Variants in DNAAF11 observed in about 807,000 individuals in gnomAD.
The protein encoded by DNAAF11 is leucine rich repeat containing 6.
Under a neutral mutation model 60.8 loss-of-function variants are expected in DNAAF11, and 45 were observed. The observed-to-expected ratio is 0.74, with a 90% confidence interval of 0.58 to 0.95. The LOEUF (loss-of-function observed/expected upper bound fraction) is 0.95. Among genes scored for constraint, DNAAF11 ranks in the 40% least tolerant of loss-of-function variants. DNAAF11 has a pLI of 0.00. For missense variants in DNAAF11, 546 were observed against 546.2 expected (o/e 1.00, Z 0.00); for synonymous variants, 191 against 183.5 (o/e 1.04, Z -0.33).
intron 7 of DNAAF11, among the ~76,000 whole-genome samples, chr8:132,618,420 T>A (rs1819405117): frequency 2.0e-5 from 2 of 100,012 alleles, no homozygotes; most frequent in African/African-American, 8.3e-5. Context: ...CCAAAAGCAA[T>A]GGCAACAAAA....
chr8:132,574,270 G>A (rs1814511115), intron 11 of DNAAF11, among the ~76,000 whole-genome samples: 1 of 152,224 alleles, frequency 6.6e-6, no homozygotes, highest in Non-Finnish European at 1.5e-5. Context: ...ATCTTTAGAA[G>A]GTAGGCCTGC....
At chr8:132,658,070 G>A (rs1054621370) in intron 2 of DNAAF11, among the ~76,000 whole-genome samples, 21 of 152,118 alleles carry the variant, frequency 1.4e-4, no homozygotes, top group Non-Finnish European at 2.4e-4. Context: ...CAAAGATGGT[G>A]ATTTATAATC....
At chr8:132,661,119 G>A (rs1274330578) in intron 2 of DNAAF11, among the ~76,000 whole-genome samples, 2 of 151,824 alleles carry the variant, frequency 1.3e-5, no homozygotes, top group Admixed American at 6.6e-5. Context: ...ATATAAATTT[G>A]TTTTGCAGTG....
In DNAAF11 at chr8:132,607,816, C is replaced by T. The variant is rs116479740; in HGVS notation, c.1140+2350G>A. On this transcript the variant is annotated intron_variant, in intron 10 of 11. Coordinates refer to ENST00000620350, the MANE Select transcript of DNAAF11 (RefSeq NM_012472.6). Reference sequence around the variant, plus strand: ...CTAAATGATATTTTATCATATTAAACGGTCACACACACACACATATATCAC... The same window carrying T: ...CTAAATGATATTTTATCATATTAAATGGTCACACACACACACATATATCAC... Among the ~76,000 whole-genome samples, 117 of 152,164 alleles carry T rather than the reference C, an allele frequency of 7.7e-4. 2 individuals carry two copies. The highest frequency in any genetic ancestry group is 2.1e-3 in the African/African-American group (87 of 41,534).
At chr8:132,688,663 T>C in the DNAAF11 span, among the ~76,000 whole-genome samples, 1 of 152,174 alleles carries the variant, frequency 6.6e-6, no homozygotes, top group Non-Finnish European at 1.5e-5. Context: ...TAGAGAAGCC[T>C]GCATGAGAAT....
chr8:132,596,800 C>T (rs1021396463), intron 10 of DNAAF11, among the ~76,000 whole-genome samples: 3 of 152,148 alleles, frequency 2.0e-5, no homozygotes, highest in Non-Finnish European at 4.4e-5. Context: ...TCTCCTGTTG[C>T]CCCCTGTAAG....
intron 10 of DNAAF11, among the ~76,000 whole-genome samples, chr8:132,601,707 G>A (rs1817640128): frequency 6.6e-6 from 1 of 152,050 alleles, no homozygotes; most frequent in African/African-American, 2.4e-5. Context: ...TCACTCATAG[G>A]TGGGAATTGA....
the DNAAF11 span, among the ~76,000 whole-genome samples, chr8:132,696,692 T>C: frequency 6.6e-5 from 10 of 152,188 alleles, no homozygotes; most frequent in Non-Finnish European, 1.3e-4. Context: ...ATATACACCA[T>C]GGAATACTAT....
At chr8:132,632,601 C>G in intron 5 of DNAAF11, 139 bp downstream of exon 5, 1 of 656,852 alleles carries the variant, frequency 1.5e-6, no homozygotes, top group Non-Finnish European at 2.7e-6. Context: ...TGCTCATATT[C>G]TTCCATCCAA....
At chr8:132,627,521 A>C (rs2130366459) in intron 5 of DNAAF11, among the ~76,000 whole-genome samples, 1 of 152,354 alleles carries the variant, frequency 6.6e-6, no homozygotes, top group Middle Eastern at 3.4e-3. Context: ...TTTTAAGAGC[A>C]GCATGATCTC....
At position 132,578,199 on chromosome 8, in the gene DNAAF11, T is replaced by C. The variant is rs1370109409; in HGVS notation, c.1226+5495A>G. Among the ~76,000 whole-genome samples the C allele has an allele frequency of 3.3e-5, 5 of 152,252 alleles. No homozygotes were observed. In the East Asian group the frequency reaches 9.7e-4, roughly 29 times the overall value. On this transcript the variant is annotated intron_variant, in intron 11 of 11. Transcript: ENST00000620350. The stretch of plus-strand genomic sequence containing the variant: ...TCCCAGTATATATCCTGGGCCATAA[T>C]TTCTGGTCTCAGTAATAAGCCATGA...
intron 10 of DNAAF11, among the ~76,000 whole-genome samples, chr8:132,600,927 T>C (rs1817547824): frequency 6.6e-6 from 1 of 152,038 alleles, no homozygotes; most frequent in South Asian, 2.1e-4. Context: ...ACAAATGGGA[T>C]CTAATTAAAC....
intron 9 of DNAAF11, among the ~76,000 whole-genome samples, chr8:132,610,642 A>C (rs187519215): frequency 1.3e-5 from 2 of 152,320 alleles, no homozygotes; most frequent in East Asian, 3.9e-4. Context: ...TTTATGAATG[A>C]AATCATTGAC....
chr8:132,694,722 A>T, the DNAAF11 span, among the ~76,000 whole-genome samples: 1 of 152,204 alleles, frequency 6.6e-6, no homozygotes, highest in Non-Finnish European at 1.5e-5. Context: ...CAAGTTTGAG[A>T]TATGTCTTAG....
At chr8:132,622,742 C>A in intron 6 of DNAAF11, 54 bp from the exon 7 acceptor site, 1 of 1,236,074 alleles carries the variant, frequency 8.1e-7, no homozygotes, top group South Asian at 1.3e-5. Context: ...AAAAAACAAG[C>A]AAAGAGAATA....
chr8:132,634,056 TACAC>T (rs1275340576), intron 4 of DNAAF11, among the ~76,000 whole-genome samples: 1 of 151,854 alleles, frequency 6.6e-6, no homozygotes, highest in African/African-American at 2.4e-5. Flanking sequence ...GAAAAAAAAA[TACAC>T]ACAAAGATTT....
chr8:132,617,709 G>C (rs189872109), intron 7 of DNAAF11, among the ~76,000 whole-genome samples: 207 of 152,108 alleles, frequency 1.4e-3, no homozygotes, highest in Non-Finnish European at 1.9e-3. Flanking sequence ...GCTTCAAAGA[G>C]AATAAAATAC....
At chr8:132,700,523 C>CAAAAAAA in the DNAAF11 span, among the ~76,000 whole-genome samples, 1 of 135,398 alleles carries the variant, frequency 7.4e-6, no homozygotes, top group African/African-American at 2.6e-5. Flanking sequence ...CCCACCTCTA[C>CAAAAAAA]AAAAAAAAAA....
At chr8:132,614,199 G>A (rs539409816) in intron 8 of DNAAF11, among the ~76,000 whole-genome samples, 5 of 152,282 alleles carry the variant, frequency 3.3e-5, no homozygotes, top group Non-Finnish European at 7.4e-5. Context: ...GTCAGATGGT[G>A]GGGCAGAGAG....
Sources: allele counts gnomAD v4.1 joint callset (sites outside exome capture counted in the v4.1 genomes callset), GRCh38; gene constraint gnomAD v4.1.1; transcripts MANE v1.5; gene names NCBI Gene and HGNC (gene_info 2026-07-23, HGNC 2026-07-21).